The following NECAB2 variants were observed in gnomAD, a reference collection of about 807,000 sequenced individuals.
NECAB2 encodes the protein N-terminal EF-hand calcium-binding protein 2.
NECAB2 carries 68 observed loss-of-function variants against 51.9 expected under a neutral mutation model. The observed-to-expected ratio is 1.31, with a 90% CI of 1.08 to 1.60. The LOEUF is 1.60. Among genes scored for constraint, NECAB2 ranks in the 40% most tolerant of loss-of-function variants. The pLI, the probability that NECAB2 is intolerant of heterozygous loss-of-function variation, is 0.00. For missense variants in NECAB2, 854 were observed against 490.3 expected, an observed-to-expected ratio of 1.74 and a Z score of -7.00; for synonymous variants, 329 against 203.5, an observed-to-expected ratio of 1.62 and a Z score of -5.25.
intron 5 of NECAB2, among the ~76,000 whole-genome samples, chr16:83,982,787 G>A (rs2084505478): frequency 6.6e-6 from 1 of 152,078 alleles, no homozygotes; most frequent in Non-Finnish European, 1.5e-5. Flanking sequence ...GTGGTCTTTG[G>A]TGGTTTTTTT....
chr16:83,984,201 T>C (rs918596896), intron 5 of NECAB2, among the ~76,000 whole-genome samples: 7 of 151,678 alleles, frequency 4.6e-5, no homozygotes, highest in Admixed American at 6.6e-5. Context: ...TTCATCGTGT[T>C]AGCCAGGATG....
intron 5 of NECAB2, among the ~76,000 whole-genome samples, chr16:83,988,979 G>A (rs1174215462): frequency 6.6e-6 from 1 of 152,136 alleles, no homozygotes; most frequent in Admixed American, 6.5e-5. Context: ...TTACTCCCCG[G>A]AAAATAACTT....
At chr16:83,966,606 GC>G (rs1170711436), upstream of NECAB2, among the ~76,000 whole-genome samples, 1 of 152,122 alleles carries the variant, frequency 6.6e-6, no homozygotes, top group Non-Finnish European at 1.5e-5. Flanking sequence ...CCCCTCCGCA[GC>G]CTGTCCCAGG....
At chr16:83,979,130 C>G (rs927187823) in intron 3 of NECAB2, among the ~76,000 whole-genome samples, 30 of 152,218 alleles carry the variant, frequency 2.0e-4, no homozygotes, top group African/African-American at 7.2e-4. Context: ...TCTACTCAGA[C>G]TTACCCTTGA....
intron 8 of NECAB2, among the ~76,000 whole-genome samples, chr16:83,995,508 A>G (rs998450853): frequency 6.6e-6 from 1 of 152,098 alleles, no homozygotes; most frequent in Non-Finnish European, 1.5e-5. Context: ...AATATTAGCA[A>G]TGTTAGCAAT....
intron 5 of NECAB2, among the ~76,000 whole-genome samples, chr16:83,982,329 G>C (rs541195798): frequency 2.6e-5 from 4 of 152,262 alleles, no homozygotes; most frequent in African/African-American, 9.6e-5. Context: ...ATGCTGTTTT[G>C]AGTCTTGCTG....
intron 2 of NECAB2, among the ~76,000 whole-genome samples, chr16:83,975,922 A>G (rs1187784261): frequency 6.6e-6 from 1 of 152,108 alleles, no homozygotes; most frequent in East Asian, 1.9e-4. Flanking sequence ...TTTCCTCATT[A>G]GTGAATTCAT....
At chr16:83,980,250 A>G (rs868456047) in intron 3 of NECAB2, among the ~76,000 whole-genome samples, 2 of 152,176 alleles carry the variant, frequency 1.3e-5, no homozygotes, top group African/African-American at 2.4e-5. Flanking sequence ...CAGAACCACC[A>G]TAGTTCCCAG....
upstream of NECAB2, chr16:83,965,971 C>G (rs773899623): frequency 6.2e-7 from 1 of 1,602,858 alleles, no homozygotes; most frequent in East Asian, 2.2e-5. Context: ...CTGTGGCCAG[C>G]TCCCTGCTAA....
chr16:83,998,532 A>C (rs898186376), intron 10 of NECAB2, among the ~76,000 whole-genome samples: 8 of 152,048 alleles, frequency 5.3e-5, no homozygotes, highest in South Asian at 2.1e-4. Flanking sequence ...GCATCAGCTT[A>C]CTCATCTGTA....
rs556796550 is a variant in NECAB2, at chr16:83,980,695, C to G, written c.336-144C>G. On this transcript the variant is annotated intron_variant, in intron 3 of 12. Transcript: ENST00000305202. ...GCGGGGGTGTCACCTACCTGCTGCA[C>G]CCTCTTCTGTAAGGCGGAGCTTGTG... The G allele has an allele frequency of 1.1e-4, 123 of 1,129,552 alleles. No homozygotes were observed. The African/African-American group carries it at 1.8e-3, about 16-fold the overall frequency. 70.0% of individuals were successfully genotyped at this position (1,129,552 alleles called of 1,614,324 possible).
chr16:84,001,030 C>A (rs1318039318), intron 11 of NECAB2, among the ~76,000 whole-genome samples: 1 of 152,116 alleles, frequency 6.6e-6, no homozygotes, highest in Admixed American at 6.5e-5. Context: ...CTGCTTTCCC[C>A]AGGGTTGCTT....
intron 10 of NECAB2, among the ~76,000 whole-genome samples, chr16:83,999,598 C>A (rs2084780532): frequency 6.6e-6 from 1 of 152,134 alleles, no homozygotes; most frequent in African/African-American, 2.4e-5. Context: ...TTGGCCCCCG[C>A]TTTATGGTCA....
rs1198264617 is a variant in NECAB2 at position 84,002,456 on chromosome 16, C to T, written c.*110C>T. On this transcript the variant is annotated 3_prime_UTR_variant, in exon 13 of 13. Coordinates refer to ENST00000305202, the MANE Select transcript of NECAB2 (RefSeq NM_019065.3). ...GTGCAGAAGCTTCTTTTCAATCCAT[C>T]CTCCACAAGAAGGTGTTTCCCTGTT... The T allele has an allele frequency of 3.6e-6, 5 of 1,397,720 alleles. No homozygotes were observed. Among genetic ancestry groups the T allele is most frequent in the South Asian group, 1.2e-5 (1 of 86,606 alleles). The allele number at this position is 1,397,720 out of a possible 1,614,324, so 86.6% of individuals were successfully genotyped here.
chr16:83,989,651 C>T (rs892826718), intron 5 of NECAB2, among the ~76,000 whole-genome samples: 3 of 152,064 alleles, frequency 2.0e-5, no homozygotes, highest in African/African-American at 7.2e-5. Context: ...TTTCATCATC[C>T]CGTCCTTGAG....
upstream of NECAB2, chr16:83,965,192 G>A (rs756841452): frequency 8.1e-6 from 13 of 1,613,120 alleles, no homozygotes; most frequent in Admixed American, 3.3e-5. Context: ...GGGGACCCCC[G>A]ATCCCAGCAG....
At chr16:83,988,167 C>G (rs560468646) in intron 5 of NECAB2, among the ~76,000 whole-genome samples, 2 of 152,296 alleles carry the variant, frequency 1.3e-5, no homozygotes, top group South Asian at 4.1e-4. Flanking sequence ...GGGACTTTGT[C>G]TTTATACAAG....
chr16:83,999,785 G>C (rs899244919), intron 10 of NECAB2, among the ~76,000 whole-genome samples: 3 of 152,058 alleles, frequency 2.0e-5, no homozygotes, highest in Non-Finnish European at 2.9e-5. Flanking sequence ...CCTTTGGTCA[G>C]GTCAGGTACA....
At chr16:83,992,216 G>C (rs1414653178) in intron 6 of NECAB2, among the ~76,000 whole-genome samples, 2 of 111,394 alleles carry the variant, frequency 1.8e-5, no homozygotes, top group Non-Finnish European at 1.6e-5. Flanking sequence ...TTTCTTTCTG[G>C]TCTTGTGTTA....
Sources: gnomAD v4.1 joint callset for allele counts (sites outside exome capture counted in the v4.1 genomes callset) on GRCh38, gnomAD v4.1.1 for gene constraint, MANE v1.5 for transcripts, NCBI Gene and HGNC (gene_info 2026-07-23, HGNC 2026-07-21) for gene names.